Variants in KIF6 observed in about 807,000 individuals in gnomAD.
The protein encoded by KIF6 is kinesin-like protein KIF6.
In KIF6, 106 loss-of-function variants were observed where a neutral mutation model predicts 112.7. That is an observed-to-expected ratio of 0.94 (90% confidence interval 0.80 to 1.11). The LOEUF (loss-of-function observed/expected upper bound fraction) is 1.11, where lower values mean the gene tolerates loss of function less well. Among genes scored for constraint, KIF6 ranks in the 50% least tolerant of loss-of-function variants. The pLI is 0.00. For missense variants in KIF6, 929 were observed against 964.0 expected (o/e 0.96, Z 0.48); for synonymous variants, 339 against 339.9 (o/e 1.00, Z 0.03).
chr6:39,384,749 G>A (rs148274563), intron 16 of KIF6, among the ~76,000 whole-genome samples: 44 of 152,208 alleles, frequency 2.9e-4, no homozygotes, highest in Non-Finnish European at 4.7e-4. Flanking sequence ...ATCTCAAGGG[G>A]AACTTTTTTT....
chr6:39,670,643 G>A (rs1445602084), intron 3 of KIF6, among the ~76,000 whole-genome samples: 1 of 152,062 alleles, frequency 6.6e-6, no homozygotes, highest in Non-Finnish European at 1.5e-5. Flanking sequence ...GAAGTAAATA[G>A]GATCCTCCGC....
chr6:39,357,806 A>G (rs1035676260), intron 18 of KIF6, among the ~76,000 whole-genome samples: 2 of 152,188 alleles, frequency 1.3e-5, no homozygotes, highest in African/African-American at 4.8e-5. Flanking sequence ...CACAAGGTGT[A>G]TGGCCAAAAA....
intron 16 of KIF6, among the ~76,000 whole-genome samples, chr6:39,380,022 A>G (rs1229633151): frequency 6.6e-6 from 1 of 152,268 alleles, no homozygotes; most frequent in East Asian, 1.9e-4. Context: ...TAAAGTACTC[A>G]AGAAACATTT....
chr6:39,493,840 C>T (rs1182363205), intron 13 of KIF6, among the ~76,000 whole-genome samples: 1 of 152,208 alleles, frequency 6.6e-6, no homozygotes, highest in Middle Eastern at 3.2e-3. Flanking sequence ...CTGTCACTGG[C>T]TTGCAGTAAG....
Position 39,334,036 on chromosome 6 carries a change from C to G in KIF6, c.*2496G>C, listed in dbSNP as rs1206469729. ...ACTGCTGTCAAGCATGTGTCCATAT[C>G]AAAGGCTGGGCTTCCATTAGGGGAT... On this transcript the variant is annotated 3_prime_UTR_variant, in exon 23 of 23. Transcript: ENST00000287152. 1 of 152,258 alleles carries G rather than the reference C, an allele frequency of 6.6e-6. No homozygotes were observed. Among genetic ancestry groups the G allele is most frequent in the Non-Finnish European group, 1.5e-5 (1 of 68,050 alleles). 9.4% of individuals were successfully genotyped at this position (152,258 alleles called of 1,614,324 possible).
chr6:39,624,555 T>C (rs998240257), intron 5 of KIF6, among the ~76,000 whole-genome samples: 7 of 152,184 alleles, frequency 4.6e-5, no homozygotes, highest in African/African-American at 1.7e-4. Flanking sequence ...CAATTCATAA[T>C]GCAATCGTGG....
At chr6:39,510,063 T>G (rs1251543898) in intron 13 of KIF6, among the ~76,000 whole-genome samples, 2 of 149,548 alleles carry the variant, frequency 1.3e-5, no homozygotes, top group African/African-American at 4.9e-5. Context: ...CAGAAGAGAG[T>G]GGGGGCCAAT....
At chr6:39,369,713 C>G (rs768935560) in intron 16 of KIF6, among the ~76,000 whole-genome samples, 1 of 152,140 alleles carries the variant, frequency 6.6e-6, no homozygotes, top group South Asian at 2.1e-4. Context: ...TAGGGTCAGT[C>G]GGCAATATAA....
rs767303358 is a variant in KIF6, at chr6:39,332,485, G to A, written c.*4047C>T. Reference sequence around the variant, plus strand: ...GACTCCTTTGGGGCTGGCTTTTTAAGCTTTGTTAGGTGGGACCAGAGCAAT... The same window carrying A: ...GACTCCTTTGGGGCTGGCTTTTTAAACTTTGTTAGGTGGGACCAGAGCAAT... On this transcript the variant is annotated 3_prime_UTR_variant, in exon 23 of 23. Transcript: ENST00000287152. 3.3e-5 allele frequency: 5 copies of A among 152,300 alleles called. No individual in the cohort carries two copies. The highest frequency in any genetic ancestry group is 7.4e-5 in the Non-Finnish European group (5 of 68,020). The allele number at this position is 152,300 out of a possible 1,614,324, so 9.4% of individuals were successfully genotyped here. A position where few individuals can be genotyped will look rare whatever the true frequency, so the allele number is the denominator to read the frequency against.
At chr6:39,478,911 T>C (rs969455771) in intron 13 of KIF6, among the ~76,000 whole-genome samples, 2 of 152,082 alleles carry the variant, frequency 1.3e-5, no homozygotes, top group African/African-American at 2.4e-5. Context: ...CTTTCAAGAA[T>C]TGTCTATTCA....
At chr6:39,550,289 T>C (rs1380210985) in intron 10 of KIF6, among the ~76,000 whole-genome samples, 1 of 151,914 alleles carries the variant, frequency 6.6e-6, no homozygotes, top group Non-Finnish European at 1.5e-5. Flanking sequence ...TGTGGGAAAG[T>C]TGGGAGAACA....
Position 39,343,788 on chromosome 6 carries a change from G to A in KIF6, c.2349C>T (p.Ile783=), listed in dbSNP as rs760163260. The A allele has an allele frequency of 6.2e-7, 1 of 1,612,358 alleles. No individual in the cohort carries two copies. Among genetic ancestry groups the A allele is most frequent in the Non-Finnish European group, 8.5e-7 (1 of 1,179,284 alleles). ...CCGTCTGGCTGTCTCCGGTGAGAGG[G>A]ATGGACGACACTGGCCTCTTGGGGA... The part of the protein sequence containing the change: ...DSIPKRPVSS[I]PLTGDSQTDS... Residue 783 remains isoleucine (I), a synonymous_variant, in exon 22 of 23, where the codon ATC becomes ATT. Transcript: ENST00000287152. The surrounding 1 kb of genome is among the most constrained non-coding windows in gnomAD (Gnocchi z 4.1).
At chr6:39,677,246 A>G (rs1787198921) in intron 3 of KIF6, among the ~76,000 whole-genome samples, 1 of 152,076 alleles carries the variant, frequency 6.6e-6, no homozygotes, top group Non-Finnish European at 1.5e-5. Flanking sequence ...GATAAAAGAG[A>G]GGATTTTCAG....
Position 39,345,692 on chromosome 6 carries a change from C to T in KIF6, c.2321+8G>A. On this transcript the variant is annotated splice_region_variant and intron_variant, in intron 21 of 22. Coordinates refer to ENST00000287152, the MANE Select transcript of KIF6 (RefSeq NM_145027.6). ...CTGTCACAGGCATAACAGGAGAAGA[C>T]CACAGACCTGTCTTCCAGTGGGGTG... The T allele has an allele frequency of 1.2e-6, 2 of 1,611,330 alleles. No individual in the cohort carries two copies. The highest frequency in any genetic ancestry group is 1.7e-6 in the Non-Finnish European group (2 of 1,178,746).
chr6:39,469,565 G>A (rs1773999475), intron 13 of KIF6, among the ~76,000 whole-genome samples: 1 of 152,076 alleles, frequency 6.6e-6, no homozygotes, highest in African/African-American at 2.4e-5. Flanking sequence ...AGATGGAGAG[G>A]AACTTTTAAA....
chr6:39,531,460 G>A (rs1778055943), intron 13 of KIF6, among the ~76,000 whole-genome samples: 1 of 152,128 alleles, frequency 6.6e-6, no homozygotes, highest in Non-Finnish European at 1.5e-5. Flanking sequence ...ACAAGGGGCT[G>A]GGCAGTGATA....
At chr6:39,404,731 C>G (rs1216609756) in intron 15 of KIF6, among the ~76,000 whole-genome samples, 1 of 152,150 alleles carries the variant, frequency 6.6e-6, no homozygotes, top group Non-Finnish European at 1.5e-5. Context: ...TTGAATAGAA[C>G]TGCATTACAT....
At chr6:39,538,481 G>A (rs1241052677) in intron 13 of KIF6, among the ~76,000 whole-genome samples, 2 of 151,848 alleles carry the variant, frequency 1.3e-5, no homozygotes, top group Non-Finnish European at 2.9e-5. Flanking sequence ...CATCATCACT[G>A]GCCATCAGAG....
At chr6:39,513,254 G>A (rs1377697570) in intron 13 of KIF6, among the ~76,000 whole-genome samples, 1 of 152,240 alleles carries the variant, frequency 6.6e-6, no homozygotes, top group East Asian at 1.9e-4. Context: ...AGCACCTGTG[G>A]CATCTGCATC....
Sources: allele counts gnomAD v4.1 joint callset (sites outside exome capture counted in the v4.1 genomes callset), GRCh38; gene constraint gnomAD v4.1.1; non-coding constraint Gnocchi (gnomAD v3.1); transcripts MANE v1.5; gene names NCBI Gene and HGNC (gene_info 2026-07-23, HGNC 2026-07-21).